SEMA6D: variants seen among roughly 807,000 people sequenced by gnomAD.
The protein encoded by SEMA6D is semaphorin 6D.
A neutral mutation model predicts 106.6 loss-of-function variants in SEMA6D; 35 were observed. The ratio of observed to expected loss-of-function variants is 0.33; its 90% CI spans 0.25 to 0.44. SEMA6D has a LOEUF of 0.44. SEMA6D is among the 20% of genes least tolerant of loss of function. SEMA6D has a pLI of 1.00. For synonymous variants in SEMA6D, 499 were observed against 487.7 expected (o/e 1.02, Z -0.31); for missense variants, 1,185 against 1,345.9 (o/e 0.88, Z 1.87).
At chr15:47,281,245 T>G (rs377298547) in intron 1 of SEMA6D, among the ~76,000 whole-genome samples, 3 of 135,062 alleles carry the variant, frequency 2.2e-5, no homozygotes, top group Admixed American at 7.7e-5. Flanking sequence ...AGGATAGTTA[T>G]CTCTTCTTGT....
In SEMA6D at chr15:47,677,635, G is replaced by C. The variant is rs187459624; in HGVS notation, c.-55+76739G>C. Among the ~76,000 whole-genome samples, 8 of 152,256 alleles carry C rather than the reference G, an allele frequency of 5.3e-5. No individual in the cohort carries two copies. The East Asian group carries it at 1.5e-3, about 29-fold the overall frequency. Reference sequence around the variant, plus strand: ...CTGAAGTCCATTCCTGTTTGACCTTGGTTTAGATGCTTTCCCTCTCTGAGC... The same window carrying C: ...CTGAAGTCCATTCCTGTTTGACCTTCGTTTAGATGCTTTCCCTCTCTGAGC... On this transcript the variant is annotated intron_variant, in intron 4 of 19. Coordinates refer to the SEMA6D transcript ENST00000558014.
chr15:47,533,878 T>A (rs999860411), intron 3 of SEMA6D, among the ~76,000 whole-genome samples: 1 of 152,274 alleles, frequency 6.6e-6, no homozygotes, highest in East Asian at 1.9e-4. Context: ...GTTCCTCTGA[T>A]TGGATGAAAG....
chr15:47,609,650 T>C (rs1461647376), intron 4 of SEMA6D, among the ~76,000 whole-genome samples: 1 of 152,218 alleles, frequency 6.6e-6, no homozygotes, highest in East Asian at 1.9e-4. Context: ...ATATATGTGA[T>C]GTGTAAGTCA....
intron 3 of SEMA6D, among the ~76,000 whole-genome samples, chr15:47,485,113 T>A (rs73388955): frequency 0.029 from 4,412 of 152,336 alleles, 222 homozygotes; most frequent in African/African-American, 0.1. Flanking sequence ...GCTTTTATGC[T>A]ACAGGAGATT....
At chr15:47,378,263 G>A (rs780833268) in intron 1 of SEMA6D, among the ~76,000 whole-genome samples, 2 of 152,184 alleles carry the variant, frequency 1.3e-5, no homozygotes, top group Non-Finnish European at 2.9e-5. Context: ...TTGGAAGGCT[G>A]AGGCGGGCGA....
intron 2 of SEMA6D, among the ~76,000 whole-genome samples, chr15:47,456,293 C>A (rs995436427): frequency 6.6e-6 from 1 of 151,866 alleles, no homozygotes; most frequent in African/African-American, 2.4e-5. Flanking sequence ...AGTCCATGAA[C>A]TTGTATAAGA....
intron 1 of SEMA6D, among the ~76,000 whole-genome samples, chr15:47,386,487 A>T (rs1336244234): frequency 1.3e-5 from 2 of 152,218 alleles, no homozygotes; most frequent in Non-Finnish European, 2.9e-5. Flanking sequence ...GTCAGACCTT[A>T]ATCCAAGACT....
At chr15:47,763,657 A>G (rs999253211) in intron 9 of SEMA6D, among the ~76,000 whole-genome samples, 193 bp from the exon 10 acceptor site, 1 of 152,194 alleles carries the variant, frequency 6.6e-6, no homozygotes, top group Non-Finnish European at 1.5e-5. Flanking sequence ...AAAATAGGAA[A>G]GTGGCTCTTT....
At chr15:47,423,284 A>AT (rs1021635200) in intron 2 of SEMA6D, among the ~76,000 whole-genome samples, 73 of 151,988 alleles carry the variant, frequency 4.8e-4, no homozygotes, top group African/African-American at 1.8e-3. Flanking sequence ...TTGAGAAACT[A>AT]TAGCTGCCTT....
intron 2 of SEMA6D, among the ~76,000 whole-genome samples, chr15:47,431,232 T>C (rs2041511389): frequency 6.6e-6 from 1 of 152,178 alleles, no homozygotes; most frequent in Admixed American, 6.6e-5. Flanking sequence ...ATATTTGATT[T>C]AAGGGACTTT....
chr15:47,232,854 T>C (rs950419751), intron 1 of SEMA6D, among the ~76,000 whole-genome samples: 1 of 151,920 alleles, frequency 6.6e-6, no homozygotes, highest in Non-Finnish European at 1.5e-5. Context: ...ATATATGAAG[T>C]GCAGATATTT....
intron 1 of SEMA6D, among the ~76,000 whole-genome samples, chr15:47,270,845 A>T (rs190249992): frequency 9.9e-5 from 15 of 152,154 alleles, no homozygotes; most frequent in African/African-American, 3.4e-4. Flanking sequence ...AATACAAAAA[A>T]AAAGCTGGAT....
At chr15:47,427,326 C>T (rs993123450) in intron 2 of SEMA6D, among the ~76,000 whole-genome samples, 2 of 152,174 alleles carry the variant, frequency 1.3e-5, no homozygotes, top group Admixed American at 6.5e-5. Flanking sequence ...GCATACTCCA[C>T]AGCCACTAGG....
In SEMA6D at chr15:47,764,638, G is replaced by A; in HGVS notation, c.1098G>A (p.Arg366=). Residue 366 remains arginine (R), a splice_region_variant and synonymous_variant, in exon 12 of 19, where the codon AGG becomes AGA. Coordinates refer to ENST00000536845, the MANE Select transcript of SEMA6D (RefSeq NM_001358351.3). ...AVPEDKVPKP[R]PGCCAKHGLA... is the part of the protein sequence containing the mutation. Reference sequence around the variant, plus strand: ...TAAAATAACGCTGTTTTCCTTTCAGGCCTGGCTGTTGTGCAAAACACGGCC... The same window carrying A: ...TAAAATAACGCTGTTTTCCTTTCAGACCTGGCTGTTGTGCAAAACACGGCC... The A allele has an allele frequency of 6.2e-7, 1 of 1,613,860 alleles. No homozygotes were observed. The highest frequency in any genetic ancestry group is 8.5e-7 in the Non-Finnish European group (1 of 1,179,826).
intron 3 of SEMA6D, among the ~76,000 whole-genome samples, chr15:47,565,321 G>C (rs1432629067): frequency 6.6e-6 from 1 of 152,218 alleles, no homozygotes; most frequent in African/African-American, 2.4e-5. Context: ...CCTCCCATGA[G>C]GGGTGGAGCA....
At chr15:47,584,365 G>A (rs1317608771) in intron 3 of SEMA6D, among the ~76,000 whole-genome samples, 4 of 151,954 alleles carry the variant, frequency 2.6e-5, no homozygotes, top group African/African-American at 7.3e-5. Flanking sequence ...AGAGGTTGCA[G>A]TGAGCCGAGA....
intron 3 of SEMA6D, among the ~76,000 whole-genome samples, chr15:47,580,616 C>CA (rs2076239158): frequency 6.6e-6 from 1 of 151,082 alleles, no homozygotes; most frequent in African/African-American, 2.4e-5. Flanking sequence ...AGAAGTATGT[C>CA]GAAAAAAAAA....
At chr15:47,407,001 A>G (rs766697198) in intron 1 of SEMA6D, among the ~76,000 whole-genome samples, 13 of 152,220 alleles carry the variant, frequency 8.5e-5, no homozygotes, top group Non-Finnish European at 1.3e-4. Context: ...GCAAACTGTA[A>G]ATTTAAAAAC....
In SEMA6D at chr15:47,695,936, T is replaced by A. The variant is rs183165652; in HGVS notation, c.-54-63809T>A. On this transcript the variant is annotated intron_variant, in intron 4 of 19. Coordinates refer to the SEMA6D transcript ENST00000558014. ...ATTGTTATAACCTGGTCATTGGTAG[T>A]TTTAGTACACATTTAAAACATTTAA... Among the ~76,000 whole-genome samples the A allele has an allele frequency of 3.0e-3, 464 of 152,300 alleles. 1 individual carries two copies. The highest frequency in any genetic ancestry group is 5.1e-3 in the Non-Finnish European group (345 of 68,008).
Sources: allele counts gnomAD v4.1 joint callset (sites outside exome capture counted in the v4.1 genomes callset), GRCh38; gene constraint gnomAD v4.1.1; transcripts MANE v1.5; gene names NCBI Gene and HGNC (gene_info 2026-07-23, HGNC 2026-07-21).